Variants in LIG1 observed in about 807,000 individuals in gnomAD.
LIG1 encodes the protein DNA ligase 1, also known as ligase I, DNA, ATP-dependent.
A neutral mutation model predicts 115.7 loss-of-function variants in LIG1; 70 were observed. The observed-to-expected ratio is 0.60, with a 90% CI of 0.50 to 0.74. The LOEUF is 0.74. LIG1 is among the 30% of genes least tolerant of loss of function. The pLI is 0.00. For synonymous variants in LIG1, 487 were observed against 495.3 expected (o/e 0.98, Z 0.22); for missense variants, 1,115 against 1,225.6 (o/e 0.91, Z 1.35).
chr19:48,132,479 G>A (rs917644905), intron 18 of LIG1, among the ~76,000 whole-genome samples: 1 of 152,046 alleles, frequency 6.6e-6, no homozygotes, highest in Non-Finnish European at 1.5e-5. Flanking sequence ...CTTCGGATAA[G>A]CTGGTGAGGT....
chr19:48,144,467 A>G (rs2034988512), intron 9 of LIG1, among the ~76,000 whole-genome samples: 1 of 152,168 alleles, frequency 6.6e-6, no homozygotes, highest in East Asian at 1.9e-4. Flanking sequence ...CCATGCTAAC[A>G]CCACATCGAT....
intron 4 of LIG1, among the ~76,000 whole-genome samples, chr19:48,157,381 G>A (rs1012882257): frequency 1.9e-4 from 29 of 151,946 alleles, no homozygotes; most frequent in Non-Finnish European, 2.9e-4. Context: ...CAGAATCTTC[G>A]ATTCTCCTGC....
At position 48,143,609 on chromosome 19, in the gene LIG1, G is replaced by A. The variant is rs755404220; in HGVS notation, c.858-10C>T. The stretch of plus-strand genomic sequence containing the variant: ...AGCCAGGTAAGGAACCCTAGGGAAG[G>A]AAAAGAGACGCAAGAGTGACAGTGG... On this transcript the variant is annotated splice_polypyrimidine_tract_variant and intron_variant, in intron 10 of 27. Transcript: ENST00000263274. 6.2e-7 allele frequency: 1 copy of A among 1,610,400 alleles called. No homozygotes were observed. Among genetic ancestry groups the A allele is most frequent in the Non-Finnish European group, 8.5e-7 (1 of 1,177,642 alleles).
At position 48,133,894 on chromosome 19, in the gene LIG1, G is replaced by A. The variant is rs1433891981; in HGVS notation, c.1609+87C>T. On this transcript the variant is annotated intron_variant, in intron 17 of 27. Coordinates refer to ENST00000263274, the MANE Select transcript of LIG1 (RefSeq NM_000234.3). ...GGGGAGAGGACTCTGCAAGTTCTGA[G>A]AGGGGCGCCTACGATGGCCACCCTC... The A allele has an allele frequency of 3.7e-6, 4 of 1,088,084 alleles. No individual in the cohort carries two copies. The African/African-American group carries it at 6.2e-5, about 17-fold the overall frequency. The allele number at this position is 1,088,084 out of a possible 1,614,324, so 67.4% of individuals were successfully genotyped here. A position where few individuals can be genotyped will look rare whatever the true frequency, so the allele number is the denominator to read the frequency against.
intron 12 of LIG1, 74 bp downstream of exon 12, chr19:48,139,897 G>C (rs982752133): frequency 4.6e-6 from 7 of 1,532,610 alleles, no homozygotes; most frequent in East Asian, 4.5e-5. Context: ...CCATCTCTCC[G>C]ATCCACCTGA....
At chr19:48,124,399 C>T (rs2033524337) in intron 21 of LIG1, among the ~76,000 whole-genome samples, 1 of 152,194 alleles carries the variant, frequency 6.6e-6, no homozygotes, top group Admixed American at 6.6e-5. Context: ...TACCTCAGAG[C>T]TCCCATCTGT....
At chr19:48,138,813 C>A (rs2122653842) in intron 12 of LIG1, among the ~76,000 whole-genome samples, 1 of 152,312 alleles carries the variant, frequency 6.6e-6, no homozygotes, top group Admixed American at 6.5e-5. Flanking sequence ...CTGTTACCTG[C>A]AGCTCAGAGT....
intron 20 of LIG1, 100 bp downstream of exon 20, chr19:48,127,810 C>A: frequency 1.0e-6 from 1 of 968,126 alleles, no homozygotes; most frequent in South Asian, 1.3e-5. Flanking sequence ...TCCAGACTGA[C>A]ACTCTGCCCT....
chr19:48,128,017 T>C lies in LIG1; in HGVS notation c.1825A>G (p.Lys609Glu). The C allele has an allele frequency of 6.2e-7, 1 of 1,613,622 alleles. No individual in the cohort carries two copies. The highest frequency in any genetic ancestry group is 8.5e-7 in the Non-Finnish European group (1 of 1,179,546). The part of the protein sequence containing the change: ...PDIISRIPKI[K>E]LPSVTSFILD... Reference sequence around the variant, plus strand: ...ATGAAGGATGTGACCGATGGGAGTTTAATCTGAAAAGTGAAGGGAGAGACC... The same window carrying C: ...ATGAAGGATGTGACCGATGGGAGTTCAATCTGAAAAGTGAAGGGAGAGACC... Residue 609 changes from lysine (K) to glutamate (E), a missense_variant, in exon 20 of 28, where the codon AAA becomes GAA. Physicochemically the swap from Lys to Glu is moderately conservative, Grantham distance 56 (BLOSUM62 1). Coordinates refer to ENST00000263274, the MANE Select transcript of LIG1 (RefSeq NM_000234.3).
chr19:48,133,705 C>T lies in LIG1; in HGVS notation c.1609+276G>A, dbSNP rs866222545. ...TGAACTCCTGGGCTCAAGCGATCCTCCCACCTCAGCCTCCCGAGTAGCTGG... is the reference window on the plus strand; with the variant it reads ...TGAACTCCTGGGCTCAAGCGATCCTTCCACCTCAGCCTCCCGAGTAGCTGG... On this transcript the variant is annotated intron_variant, in intron 17 of 27. Coordinates refer to ENST00000263274, the MANE Select transcript of LIG1 (RefSeq NM_000234.3). 3.3e-5 allele frequency among the ~76,000 whole-genome samples: 5 copies of T among 152,322 alleles called. No homozygotes were observed. In the South Asian group the frequency reaches 1.0e-3, roughly 32 times the overall value.
chr19:48,167,352 A>G (rs2036536604), intron 1 of LIG1, among the ~76,000 whole-genome samples: 1 of 152,046 alleles, frequency 6.6e-6, no homozygotes, highest in South Asian at 2.1e-4. Context: ...TGGGCAACAG[A>G]AATGGTTTTC....
chr19:48,169,984 C>A (rs2036717031), intron 1 of LIG1: 1 of 282,266 alleles, frequency 3.5e-6, no homozygotes, highest in Non-Finnish European at 6.9e-6. Context: ...CTCAAGGCCT[C>A]TTCTCAGAGG....
At chr19:48,157,767 G>A (rs757658026) in intron 4 of LIG1, among the ~76,000 whole-genome samples, 14 of 152,164 alleles carry the variant, frequency 9.2e-5, no homozygotes, top group African/African-American at 2.6e-4. Flanking sequence ...GGCTGGTCTC[G>A]AACTCCTGAG....
chr19:48,158,786 C>T (rs1247808700), intron 4 of LIG1, among the ~76,000 whole-genome samples: 3 of 152,198 alleles, frequency 2.0e-5, no homozygotes, highest in African/African-American at 7.2e-5. Context: ...ACCCAGTGCT[C>T]CCTTCCTGAA....
intron 20 of LIG1, 180 bp from the exon 21 acceptor site, chr19:48,127,528 C>G: frequency 1.6e-6 from 1 of 639,132 alleles, no homozygotes; most frequent in Non-Finnish European, 2.8e-6. Context: ...CAGCTAATTC[C>G]GACAACCTCA....
intron 9 of LIG1, among the ~76,000 whole-genome samples, chr19:48,145,248 A>G (rs1568522601): frequency 1.3e-5 from 2 of 152,190 alleles, no homozygotes; most frequent in African/African-American, 2.4e-5. Flanking sequence ...CAAACTCTGC[A>G]TTCAGACTCA....
At chr19:48,146,732 A>C (rs1319046075) in intron 9 of LIG1, among the ~76,000 whole-genome samples, 1 of 152,258 alleles carries the variant, frequency 6.6e-6, no homozygotes, top group Non-Finnish European at 1.5e-5. Context: ...ACAGAACTTT[A>C]TATACAGTAG....
Position 48,150,129 on chromosome 19 carries a change from T to C in LIG1, c.656A>G (p.Lys219Arg). ...QELQEEEEQT[K>R]PPRRAPKTLS... ...CGTCTTGGGAGCTCTGCGGGGAGGC[T>C]TGGTCTGCTCTTCCTCCTCCTGCAG... is the stretch of plus-strand genomic sequence containing the variant. Residue 219 changes from lysine (K) to arginine (R), a missense_variant, in exon 8 of 28, where the codon AAG (lysine) becomes AGG (arginine). By Grantham distance (26) the Lys-to-Arg change is conservative. Coordinates refer to ENST00000263274, the MANE Select transcript of LIG1 (RefSeq NM_000234.3). The C allele has an allele frequency of 6.2e-7, 1 of 1,614,200 alleles. No individual in the cohort carries two copies. The highest frequency in any genetic ancestry group is 8.5e-7 in the Non-Finnish European group (1 of 1,180,024).
chr19:48,135,983 A>G (rs1450936529), intron 15 of LIG1, 51 bp downstream of exon 15: 1 of 1,387,926 alleles, frequency 7.2e-7, no homozygotes, highest in South Asian at 1.2e-5. Flanking sequence ...GGAGGGGGGA[A>G]GCCTGAGGTA....
Sources: gnomAD v4.1 joint callset for allele counts (sites outside exome capture counted in the v4.1 genomes callset) on GRCh38, gnomAD v4.1.1 for gene constraint, MANE v1.5 for transcripts, NCBI Gene and HGNC (gene_info 2026-07-23, HGNC 2026-07-21) for gene names.